The following HID1 variants were observed in gnomAD, a reference collection of about 807,000 sequenced individuals.
The protein encoded by HID1 is protein HID1.
HID1 carries 42 observed loss-of-function variants against 89.7 expected under a neutral mutation model. That is an observed-to-expected ratio of 0.47 (90% confidence interval 0.37 to 0.61). HID1 has a LOEUF of 0.61. Ranked by LOEUF, HID1 falls within the 20% of genes least tolerant of loss-of-function variation. The pLI is 0.00. For synonymous variants in HID1, 442 were observed against 433.8 expected, an observed-to-expected ratio of 1.02 and a Z score of -0.24; for missense variants, 854 against 1,039.3, an observed-to-expected ratio of 0.82 and a Z score of 2.45.
chr17:74,961,416 C>T (rs2039477908), intron 6 of HID1, among the ~76,000 whole-genome samples: 1 of 151,778 alleles, frequency 6.6e-6, no homozygotes, highest in African/African-American at 2.4e-5. Context: ...TACAGGCACC[C>T]GCCACCAAGC....
Position 74,959,763 on chromosome 17 carries a change from G to A in HID1, c.1008+118C>T. The A allele has an allele frequency of 9.5e-7, 1 of 1,055,626 alleles. No homozygotes were observed. Among genetic ancestry groups the A allele is most frequent in the Middle Eastern group, 2.1e-4 (1 of 4,828 alleles). The allele number at this position is 1,055,626 out of a possible 1,614,324, so 65.4% of individuals were successfully genotyped here. ...CACAGTCCTGCCACTATTTCACCTA[G>A]GGTGGCCCCAGCCCACAGAGAGCAT... On this transcript the variant is annotated intron_variant, in intron 8 of 18. Transcript: ENST00000425042. This position sits in a 1 kb window ranked among gnomAD's most constrained non-coding sequence, Gnocchi z 4.6.
chr17:74,966,283 CAAAAAAAAAAAA>C (rs34312915), intron 1 of HID1, among the ~76,000 whole-genome samples: 1 of 70,940 alleles, frequency 1.4e-5, no homozygotes, highest in East Asian at 4.4e-4. Flanking sequence ...GACTCTGTCT[CAAAAAAAAAAAA>C]AAAAAAAAAA....
chr17:74,955,178 C>T (rs556958628), intron 13 of HID1, among the ~76,000 whole-genome samples: 311 of 152,292 alleles, frequency 2.0e-3, no homozygotes, highest in Non-Finnish European at 3.4e-3. Flanking sequence ...AGCAGGCAGC[C>T]GGATGTCTGT....
chr17:74,951,935 C>T lies in HID1; in HGVS notation c.2273G>A (p.Arg758His), dbSNP rs766916750. Residue 758 changes from arginine to histidine, a missense_variant, in exon 18 of 19, where the codon CGC becomes CAC. By Grantham distance (29) the Arg-to-His change is conservative. Transcript: ENST00000425042. ...ATAGATGACGCCCCACATGTAGGTGCGGAACCACATGGCAGTGCCCGAGTT... is the reference window on the plus strand; with the variant it reads ...ATAGATGACGCCCCACATGTAGGTGTGGAACCACATGGCAGTGCCCGAGTT... The part of the protein sequence containing the change: ...QANSGTAMWF[R>H]TYMWGVIYLR... 5.8e-6 allele frequency: 9 copies of T among 1,550,884 alleles called. No individual in the cohort carries two copies. In the East Asian group the frequency reaches 1.4e-4, roughly 24 times the overall value.
chr17:74,959,101 T>A lies in HID1; in HGVS notation c.1009-50A>T. The A allele has an allele frequency of 6.7e-7, 1 of 1,486,034 alleles. No individual in the cohort carries two copies. Among genetic ancestry groups the A allele is most frequent in the South Asian group, 1.4e-5 (1 of 69,230 alleles). 92.1% of individuals were successfully genotyped at this position (1,486,034 alleles called of 1,614,324 possible). A position where few individuals can be genotyped will look rare whatever the true frequency, so the allele number is the denominator to read the frequency against. On this transcript the variant is annotated intron_variant, in intron 8 of 18. Transcript: ENST00000425042. The surrounding 1 kb of genome is among the most constrained non-coding windows in gnomAD (Gnocchi z 4.6). ...GCCTGTCCAGCCCAATCCCTGCAGC[T>A]CCAGTTTCCCAGCCCAGGCCCCCAA...
chr17:74,966,283 CAAAAAAAAAAAAA>C (rs34312915), intron 1 of HID1, among the ~76,000 whole-genome samples: 3 of 70,940 alleles, frequency 4.2e-5, no homozygotes, highest in African/African-American at 1.1e-4. Context: ...GACTCTGTCT[CAAAAAAAAAAAAA>C]AAAAAAAAAA....
chr17:74,967,995 C>T (rs1038851523), intron 1 of HID1: 1 of 151,818 alleles, frequency 6.6e-6, no homozygotes, highest in Non-Finnish European at 1.5e-5. Context: ...GTCCCAGCCA[C>T]TCAGGAGGCT....
intron 3 of HID1, 24 bp from the exon 4 acceptor site, chr17:74,963,105 T>A (rs1225474694): frequency 1.3e-6 from 2 of 1,536,228 alleles, no homozygotes; most frequent in Non-Finnish European, 1.8e-6. Context: ...ACCCACAGGC[T>A]GCCTCAGTGA....
At chr17:74,968,585 C>G (rs1737557980) in intron 1 of HID1, among the ~76,000 whole-genome samples, 1 of 152,210 alleles carries the variant, frequency 6.6e-6, no homozygotes, top group African/African-American at 2.4e-5. Flanking sequence ...AAGGAGGGCC[C>G]TGGGGCTGGG....
Position 74,964,177 on chromosome 17 carries a change from G to A in HID1, c.217-267C>T, listed in dbSNP as rs2039527991. On this transcript the variant is annotated intron_variant, in intron 2 of 18. Coordinates refer to ENST00000425042, the MANE Select transcript of HID1 (RefSeq NM_030630.3). ...CTGGATGGCTGAGGCCTTGCTAAGT[G>A]AGTCTCCCAGCCTCAGTTTCCCTAT... 4 of 593,804 alleles carry A rather than the reference G, an allele frequency of 6.7e-6. No homozygotes were observed. The East Asian group carries it at 8.4e-5, about 12-fold the overall frequency. 36.8% of individuals were successfully genotyped at this position (593,804 alleles called of 1,614,324 possible). A position where few individuals can be genotyped will look rare whatever the true frequency, so the allele number is the denominator to read the frequency against.
intron 1 of HID1, among the ~76,000 whole-genome samples, chr17:74,969,377 G>A (rs546107897): frequency 6.6e-6 from 1 of 152,130 alleles, no homozygotes; most frequent in South Asian, 2.1e-4. Flanking sequence ...TAGTAGAGAT[G>A]GGGTTTCACC....
chr17:74,967,879 G>T, intron 1 of HID1: 1 of 151,966 alleles, frequency 6.6e-6, no homozygotes, highest in South Asian at 2.0e-4. Flanking sequence ...GAAGCAGGAG[G>T]ATCACTTGAG....
At chr17:74,954,957 G>A (rs544975660) in intron 13 of HID1, 1 of 162,548 alleles carries the variant, frequency 6.2e-6, no homozygotes, top group Non-Finnish European at 1.4e-5. Context: ...TTTGGAAATA[G>A]CAATAATAGA....
intron 6 of HID1, 121 bp from the exon 7 acceptor site, chr17:74,960,369 G>C (rs1411827464): frequency 1.2e-6 from 1 of 821,146 alleles, no homozygotes; most frequent in Non-Finnish European, 1.9e-6. Flanking sequence ...CCACGTCAGG[G>C]AGTGGCTTGG....
intron 1 of HID1, chr17:74,970,776 G>A (rs1386923942): frequency 6.6e-6 from 1 of 152,280 alleles, no homozygotes; most frequent in Non-Finnish European, 1.5e-5. Context: ...ATCTCCTTGG[G>A]GACTCCAAGT....
Position 74,964,534 on chromosome 17 carries a change from G to A in HID1, c.165C>T (p.Ile55=). Residue 55 remains isoleucine, a synonymous_variant, in exon 2 of 19, where the codon ATC becomes ATT. Transcript: ENST00000425042. ...DVFALVPAAE[I]RAVREESPSN... ...AGGGTGACTCTTCCCGCACGGCCCG[G>A]ATCTCTGCTGCCGGCACCAGTGCAA... 5.6e-6 allele frequency: 9 copies of A among 1,610,042 alleles called. No individual in the cohort carries two copies. The highest frequency in any genetic ancestry group is 7.6e-6 in the Non-Finnish European group (9 of 1,178,434).
At chr17:74,968,196 C>A (rs1315727241) in intron 1 of HID1, among the ~76,000 whole-genome samples, 1 of 152,158 alleles carries the variant, frequency 6.6e-6, no homozygotes, top group Non-Finnish European at 1.5e-5. Flanking sequence ...CACCTGGGAA[C>A]CTCCGGCCCC....
chr17:74,954,059 G>T, intron 14 of HID1, 79 bp downstream of exon 14: 1 of 1,324,644 alleles, frequency 7.5e-7, no homozygotes, highest in South Asian at 1.3e-5. Flanking sequence ...TGCCAGAGAT[G>T]GGGGTGACAC....
chr17:74,966,938 C>T (rs975528578), intron 1 of HID1, among the ~76,000 whole-genome samples: 1 of 152,158 alleles, frequency 6.6e-6, no homozygotes, highest in Non-Finnish European at 1.5e-5. Context: ...GAGCAAGACT[C>T]TGTCTCAAAA....
Sources: allele counts gnomAD v4.1 joint callset (sites outside exome capture counted in the v4.1 genomes callset), GRCh38; gene constraint gnomAD v4.1.1; non-coding constraint Gnocchi (gnomAD v3.1); transcripts MANE v1.5; gene names NCBI Gene and HGNC (gene_info 2026-07-23, HGNC 2026-07-21).